The following EPM2A variants were observed in gnomAD, a reference collection of about 807,000 sequenced individuals.
EPM2A encodes the protein laforin.
In EPM2A, 21 loss-of-function variants were observed where a neutral mutation model predicts 26.5. The observed-to-expected ratio is 0.79, with a 90% confidence interval of 0.56 to 1.14. The LOEUF is 1.14. Ranked by LOEUF, EPM2A falls within the 50% of genes most tolerant of loss-of-function variation. The pLI is 0.00. For synonymous variants in EPM2A, 217 were observed against 177.6 expected (o/e 1.22, Z -1.76); for missense variants, 458 against 440.8 (o/e 1.04, Z -0.35).
chr6:145,726,785 G>A (rs1776233385), intron 1 of EPM2A, among the ~76,000 whole-genome samples: 2 of 152,024 alleles, frequency 1.3e-5, no homozygotes. Context: ...AACTATCACA[G>A]TCATAATAAA....
At chr6:145,633,836 C>A (rs1250610202) in intron 3 of EPM2A, 1 of 152,208 alleles carries the variant, frequency 6.6e-6, no homozygotes, top group East Asian at 1.9e-4. Context: ...GGAGAAGCTT[C>A]ATAGCTGGTA....
intron 2 of EPM2A, among the ~76,000 whole-genome samples, chr6:145,610,092 G>A (rs1775360680): frequency 6.6e-6 from 1 of 152,040 alleles, no homozygotes; most frequent in South Asian, 2.1e-4. Context: ...GCACGCGCCT[G>A]TAATCCCAGC....
intron 2 of EPM2A, among the ~76,000 whole-genome samples, chr6:145,564,456 G>A (rs446031): frequency 0.48 from 73,304 of 152,034 alleles, 18,568 homozygotes; most frequent in African/African-American, 0.63. Flanking sequence ...GAGGCTTTAG[G>A]GGCCAAACAC....
intron 4 of EPM2A, among the ~76,000 whole-genome samples, chr6:145,393,819 A>T (rs1778369212): frequency 6.7e-6 from 1 of 148,400 alleles, no homozygotes; most frequent in South Asian, 2.1e-4. Flanking sequence ...ACCTATGACT[A>T]TTTTTTTTTC....
chr6:145,425,477 A>G (rs1279668250), intron 4 of EPM2A, among the ~76,000 whole-genome samples: 2 of 151,998 alleles, frequency 1.3e-5, no homozygotes, highest in Non-Finnish European at 2.9e-5. Context: ...GCCTGGCTAT[A>G]AGTCATTTTC....
At chr6:145,613,932 C>G (rs1775451784) in intron 2 of EPM2A, among the ~76,000 whole-genome samples, 1 of 152,220 alleles carries the variant, frequency 6.6e-6, no homozygotes. Context: ...TAGCACCTGA[C>G]AAGAGAGGCA....
intron 1 of EPM2A, among the ~76,000 whole-genome samples, chr6:145,733,573 G>A (rs566478550): frequency 7.9e-5 from 12 of 152,180 alleles, no homozygotes; most frequent in South Asian, 4.1e-4. Flanking sequence ...TAGGGAAAGG[G>A]AAGATCTTTG....
intron 2 of EPM2A, among the ~76,000 whole-genome samples, chr6:145,543,024 G>T (rs569240979): frequency 0.025 from 3,121 of 124,036 alleles, 44 homozygotes; most frequent in South Asian, 0.04. Flanking sequence ...CTCCCAAAGT[G>T]CTGGGATTAC....
intron 2 of EPM2A, among the ~76,000 whole-genome samples, chr6:145,680,459 T>C (rs1198738024): frequency 6.6e-6 from 1 of 151,980 alleles, no homozygotes; most frequent in Non-Finnish European, 1.5e-5. Context: ...GTTACATATG[T>C]ATACATGTGC....
chr6:145,722,665 T>C, intron 1 of EPM2A: 3 of 398,934 alleles, frequency 7.5e-6, no homozygotes, highest in South Asian at 5.6e-5. Context: ...CCAAAATTCA[T>C]ATAAAAGTCC....
At chr6:145,514,847 G>T (rs1329444910) in intron 2 of EPM2A, among the ~76,000 whole-genome samples, 1 of 152,150 alleles carries the variant, frequency 6.6e-6, no homozygotes, top group Non-Finnish European at 1.5e-5. Context: ...GAAATTTGAA[G>T]GCTCCACTGA....
intron 2 of EPM2A, among the ~76,000 whole-genome samples, chr6:145,572,377 T>G (rs1354465467): frequency 6.6e-6 from 1 of 152,210 alleles, no homozygotes; most frequent in Non-Finnish European, 1.5e-5. Flanking sequence ...TTTGAGCCAC[T>G]GCCTCATGTA....
At chr6:145,421,617 GA>G (rs897866247) in intron 4 of EPM2A, among the ~76,000 whole-genome samples, 2 of 151,414 alleles carry the variant, frequency 1.3e-5, no homozygotes, top group Non-Finnish European at 3.0e-5. Flanking sequence ...AAAAGCAGGA[GA>G]AAAAAAGAGT....
chr6:145,619,228 T>C (rs1428350524), intron 2 of EPM2A, among the ~76,000 whole-genome samples: 1 of 152,120 alleles, frequency 6.6e-6, no homozygotes, highest in Non-Finnish European at 1.5e-5. Context: ...CAAATTGATA[T>C]ATAAGCCTTG....
At chr6:145,401,134 C>A (rs1778479701) in intron 4 of EPM2A, among the ~76,000 whole-genome samples, 1 of 151,788 alleles carries the variant, frequency 6.6e-6, no homozygotes, top group Non-Finnish European at 1.5e-5. Flanking sequence ...TTTTATTTGT[C>A]TTTTTCACTA....
intron 2 of EPM2A, among the ~76,000 whole-genome samples, chr6:145,619,223 TGA>T (rs1280403225): frequency 1.3e-5 from 2 of 152,126 alleles, no homozygotes; most frequent in African/African-American, 4.8e-5. Context: ...TGAAACAAAT[TGA>T]TATATAAGCC....
Position 145,384,528 on chromosome 6 carries a change from T to C in EPM2A, c.556-431A>G, listed in dbSNP as rs1321983387. 4.1e-5 allele frequency among the ~76,000 whole-genome samples: 6 copies of C among 147,660 alleles called. 1 individual carries two copies. The Admixed American group carries it at 4.1e-4, about 10-fold the overall frequency. On this transcript the variant is annotated intron_variant, in intron 4 of 4. Coordinates refer to the EPM2A transcript ENST00000638717. The stretch of plus-strand genomic sequence containing the variant: ...TAAACTGGATCAGCCTGCAGAGTTG[T>C]GGTCAGTTGGGGCAAGGAGGTTGGA...
At chr6:145,651,617 AG>A (rs1436807876) in intron 2 of EPM2A, among the ~76,000 whole-genome samples, 3 of 152,240 alleles carry the variant, frequency 2.0e-5, no homozygotes, top group Non-Finnish European at 4.4e-5. Context: ...CAAAGAAATC[AG>A]GAATTAAACG....
chr6:145,524,717 T>A (rs1348457978), intron 2 of EPM2A, among the ~76,000 whole-genome samples: 2 of 152,126 alleles, frequency 1.3e-5, no homozygotes, highest in Non-Finnish European at 2.9e-5. Flanking sequence ...ATTCTGTAGG[T>A]TGTCTGTTTA....
Sources: gnomAD v4.1 joint callset for allele counts (sites outside exome capture counted in the v4.1 genomes callset) on GRCh38, gnomAD v4.1.1 for gene constraint, MANE v1.5 for transcripts, NCBI Gene and HGNC (gene_info 2026-07-23, HGNC 2026-07-21) for gene names.